Variants in HAT1 observed in about 807,000 individuals in gnomAD.
HAT1 encodes the protein histone acetyltransferase type B catalytic subunit.
A neutral mutation model predicts 56.6 loss-of-function variants in HAT1; 20 were observed. The observed-to-expected ratio is 0.35, with a 90% CI of 0.25 to 0.51. HAT1 has a LOEUF of 0.51. HAT1 is among the 20% of genes least tolerant of loss of function. The pLI, the probability that HAT1 is intolerant of heterozygous loss-of-function variation, is 0.95. For missense variants in HAT1, 408 were observed against 504.3 expected (o/e 0.81, Z 1.83); for synonymous variants, 146 against 165.5 (o/e 0.88, Z 0.91).
intron 9 of HAT1, among the ~76,000 whole-genome samples, chr2:171,977,793 G>A (rs972266998): frequency 6.6e-6 from 1 of 150,782 alleles, no homozygotes. Flanking sequence ...TACATATTCT[G>A]TTCTCTTTAC....
intron 4 of HAT1, among the ~76,000 whole-genome samples, chr2:171,955,013 C>T (rs1478130251): frequency 6.6e-6 from 1 of 152,122 alleles, no homozygotes; most frequent in Non-Finnish European, 1.5e-5. Context: ...GAACAGATTC[C>T]CTCCTAGAGC....
intron 10 of HAT1, among the ~76,000 whole-genome samples, chr2:171,982,127 C>T (rs1266616035): frequency 6.6e-6 from 1 of 152,084 alleles, no homozygotes; most frequent in Non-Finnish European, 1.5e-5. Flanking sequence ...CAAGTATTTT[C>T]TACTCTTAAA....
At chr2:171,953,908 T>C (rs1687376265) in intron 4 of HAT1, among the ~76,000 whole-genome samples, 1 of 152,076 alleles carries the variant, frequency 6.6e-6, no homozygotes, top group Admixed American at 6.5e-5. Context: ...GGCAGGAGAA[T>C]TGCTTGAACC....
chr2:171,960,150 A>G (rs1687539527), intron 4 of HAT1, among the ~76,000 whole-genome samples: 1 of 152,220 alleles, frequency 6.6e-6, no homozygotes, highest in Non-Finnish European at 1.5e-5. Context: ...TATTTTTAAA[A>G]TATGATTCTG....
Position 171,938,746 on chromosome 2 carries a change from A to AT in HAT1, c.113-7950dup, listed in dbSNP as rs200912128. Among the ~76,000 whole-genome samples the AT allele has an allele frequency of 2.1e-3, 305 of 146,808 alleles. 1 individual carries two copies. The highest frequency in any genetic ancestry group is 9.9e-3 in the East Asian group (50 of 5,044). On this transcript the variant is annotated intron_variant, in intron 2 of 10. Transcript: ENST00000264108. ...GGAGATTTGAAGTTGTCTGAAACAT[A>AT]TTTTTTTTTTTTGAGACAGGGTCTT...
rs80181588 is a variant in HAT1, at chr2:171,944,159, T to A, written c.113-2549T>A. ...ACCCTGTCTCAAAAAAAAAAAAAAA[T>A]ACTTAAACAAGGATCCAGTAAGGGA... is the stretch of plus-strand genomic sequence containing the variant. On this transcript the variant is annotated intron_variant, in intron 2 of 10. Coordinates refer to ENST00000264108, the MANE Select transcript of HAT1 (RefSeq NM_003642.4). 0.037 allele frequency among the ~76,000 whole-genome samples: 5,496 copies of A among 147,238 alleles called. 818 individuals carry two copies. In the East Asian group the frequency reaches 0.54, roughly 14 times the overall value.
chr2:171,951,885 T>C (rs936203169), intron 3 of HAT1, among the ~76,000 whole-genome samples: 19 of 152,194 alleles, frequency 1.2e-4, no homozygotes, highest in African/African-American at 4.3e-4. Flanking sequence ...ATAATTGGTC[T>C]TGATCCTAGT....
At chr2:171,976,136 T>C in intron 8 of HAT1, 21 bp from the exon 9 acceptor site, 2 of 1,343,150 alleles carry the variant, frequency 1.5e-6, no homozygotes, top group Non-Finnish European at 1.9e-6. Flanking sequence ...ATGTTAATAT[T>C]ATTCTGCTTT....
At chr2:171,923,356 G>A (rs1686492407) in intron 1 of HAT1, 1 of 152,012 alleles carries the variant, frequency 6.6e-6, no homozygotes. Context: ...CCAACTCCTC[G>A]TAGGCTCAAG....
chr2:171,965,092 A>G (rs1687652365), intron 4 of HAT1: 1 of 416,334 alleles, frequency 2.4e-6, no homozygotes, highest in Non-Finnish European at 4.3e-6. Context: ...CATTGCCCTT[A>G]TTATTGTACT....
rs767610466 is a variant in HAT1 at position 171,925,530 on chromosome 2, C to T, written c.8-7C>T. The T allele has an allele frequency of 1.1e-5, 14 of 1,292,594 alleles. No homozygotes were observed. Among genetic ancestry groups the T allele is most frequent in the Non-Finnish European group, 1.6e-5 (14 of 888,340 alleles). 80.1% of individuals were successfully genotyped at this position (1,292,594 alleles called of 1,614,324 possible). Reference sequence around the variant, plus strand: ...AAACTAAACCTTTTAAAAACCTTTTCTCTTAGGATTTGGTGCTATGGAGAA... The same window carrying T: ...AAACTAAACCTTTTAAAAACCTTTTTTCTTAGGATTTGGTGCTATGGAGAA... On this transcript the variant is annotated splice_region_variant and splice_polypyrimidine_tract_variant and intron_variant, in intron 1 of 10. Coordinates refer to ENST00000264108, the MANE Select transcript of HAT1 (RefSeq NM_003642.4).
At chr2:171,971,182 AGC>A (rs1457611468) in intron 8 of HAT1, among the ~76,000 whole-genome samples, 1 of 152,188 alleles carries the variant, frequency 6.6e-6, no homozygotes, top group Non-Finnish European at 1.5e-5. Flanking sequence ...CGGGTGACAG[AGC>A]GAGACTCCGT....
rs770942081 is a variant in HAT1 at position 171,965,488 on chromosome 2, G to A, written c.460G>A (p.Gly154Arg). Reference sequence around the variant, plus strand: ...CTACTCAGTTCTCAGTCCAACAGGAGGAGAAAACTTTACCTTTCAGATATA... The same window carrying A: ...CTACTCAGTTCTCAGTCCAACAGGAAGAGAAAACTTTACCTTTCAGATATA... ...HTYSVLSPTGGENFTFQIYKA... is the reference protein window; with the variant it reads ...HTYSVLSPTGRENFTFQIYKA... The change falls in exon 5 of 11, where the codon GGA becomes AGA. Residue 154 changes from glycine (G) to arginine (R), a missense_variant. Physicochemically the swap from Gly to Arg is moderately radical, Grantham distance 125 (BLOSUM62 -2). Transcript: ENST00000264108. 1.3e-6 allele frequency: 2 copies of A among 1,595,062 alleles called. No homozygotes were observed. Among genetic ancestry groups the A allele is most frequent in the Non-Finnish European group, 8.5e-7 (1 of 1,170,608 alleles).
intron 8 of HAT1, among the ~76,000 whole-genome samples, chr2:171,971,228 A>G (rs1469100674): frequency 1.3e-5 from 2 of 152,254 alleles, no homozygotes; most frequent in East Asian, 3.9e-4. Flanking sequence ...ATGTTTTACA[A>G]GAGATACTTG....
chr2:171,934,426 A>C (rs1686815787), intron 2 of HAT1, among the ~76,000 whole-genome samples: 1 of 152,192 alleles, frequency 6.6e-6, no homozygotes, highest in South Asian at 2.1e-4. Context: ...AAGATGAAGG[A>C]GGGTATACAG....
rs1688173271 is a variant in HAT1, at chr2:171,983,106, C to T, written c.1093-79C>T. On this transcript the variant is annotated intron_variant, in intron 10 of 10. Transcript: ENST00000264108. ...GTATTCATACTATTCTTATTTTTAA[C>T]ATTGGAGACTTAAAATTGTAAGACT... is the stretch of plus-strand genomic sequence containing the variant. 6.2e-6 allele frequency: 5 copies of T among 801,840 alleles called. No individual in the cohort carries two copies. The South Asian group carries it at 1.1e-4, about 18-fold the overall frequency. The allele number at this position is 801,840 out of a possible 1,614,324, so 49.7% of individuals were successfully genotyped here. A position where few individuals can be genotyped will look rare whatever the true frequency, so the allele number is the denominator to read the frequency against.
At chr2:171,978,922 C>T (rs79951380) in intron 9 of HAT1, among the ~76,000 whole-genome samples, 1 of 69,174 alleles carries the variant, frequency 1.4e-5, no homozygotes, top group African/African-American at 5.9e-5. Flanking sequence ...CCCATTTCTA[C>T]AAAAAAAAAA....
intron 1 of HAT1, chr2:171,923,457 T>A (rs1341766324): frequency 6.6e-6 from 1 of 152,196 alleles, no homozygotes; most frequent in East Asian, 1.9e-4. Context: ...TTTAACCTTT[T>A]AGAGACAGAG....
intron 2 of HAT1, among the ~76,000 whole-genome samples, chr2:171,942,049 T>G (rs182271288): frequency 5.9e-5 from 9 of 152,054 alleles, no homozygotes; most frequent in Admixed American, 2.0e-4. Flanking sequence ...GGATTACAGG[T>G]GCACACCACC....
Sources: allele counts gnomAD v4.1 joint callset (sites outside exome capture counted in the v4.1 genomes callset), GRCh38; gene constraint gnomAD v4.1.1; transcripts MANE v1.5; gene names NCBI Gene and HGNC (gene_info 2026-07-23, HGNC 2026-07-21).